CCDC146: variants seen among roughly 807,000 people sequenced by gnomAD.
CCDC146 encodes the protein coiled-coil domain containing 146.
In CCDC146, 92 loss-of-function variants were observed where a neutral mutation model predicts 119.3. That is an observed-to-expected ratio of 0.77 (90% CI 0.65 to 0.92). CCDC146 has a LOEUF of 0.92. CCDC146 is among the 40% of genes least tolerant of loss of function. The pLI, the probability that CCDC146 is intolerant of heterozygous loss-of-function variation, is 0.00. For synonymous variants in CCDC146, 372 were observed against 371.8 expected, an observed-to-expected ratio of 1.00 and a Z score of -0.01; for missense variants, 1,000 against 1,103.0, an observed-to-expected ratio of 0.91 and a Z score of 1.32.
chr7:77,261,064 A>G (rs1055534252), intron 8 of CCDC146, among the ~76,000 whole-genome samples: 2 of 152,182 alleles, frequency 1.3e-5, no homozygotes, highest in Non-Finnish European at 2.9e-5. Context: ...TGCCTTTGGC[A>G]TTATTTACAA....
At chr7:77,288,826 T>C (rs1793894136) in intron 17 of CCDC146, among the ~76,000 whole-genome samples, 1 of 152,224 alleles carries the variant, frequency 6.6e-6, no homozygotes, top group African/African-American at 2.4e-5. Flanking sequence ...GGGCAGCAGC[T>C]GTTCCTCGTT....
chr7:77,146,806 T>A (rs1316909519), intron 1 of CCDC146, among the ~76,000 whole-genome samples: 14 of 152,210 alleles, frequency 9.2e-5, no homozygotes, highest in Admixed American at 2.0e-4. Context: ...TTTCCCTTTG[T>A]GGGTAACCCG....
chr7:77,274,729 G>A, intron 11 of CCDC146, 77 bp downstream of exon 11: 1 of 1,116,000 alleles, frequency 9.0e-7, no homozygotes, highest in South Asian at 1.6e-5. Flanking sequence ...ACGTGCATTA[G>A]GACATGGATG....
intron 1 of CCDC146, among the ~76,000 whole-genome samples, chr7:77,155,671 T>C (rs1791168906): frequency 6.6e-6 from 1 of 152,176 alleles, no homozygotes; most frequent in Admixed American, 6.6e-5. Context: ...ATGTGGTTGT[T>C]AGGACAAAGT....
chr7:77,214,613 G>A (rs558854408), intron 2 of CCDC146, among the ~76,000 whole-genome samples: 9 of 152,198 alleles, frequency 5.9e-5, no homozygotes, highest in African/African-American at 1.9e-4. Context: ...TTTATATGTG[G>A]TGAGAGCCAG....
chr7:77,248,992 A>G (rs1793006560), intron 4 of CCDC146, among the ~76,000 whole-genome samples: 1 of 152,150 alleles, frequency 6.6e-6, no homozygotes, highest in South Asian at 2.1e-4. Context: ...ATTTCTTTCT[A>G]TAGATGCCAA....
intron 6 of CCDC146, chr7:77,257,149 A>G (rs1793196779): frequency 6.6e-6 from 1 of 152,232 alleles, no homozygotes; most frequent in East Asian, 1.9e-4. Flanking sequence ...ACACACCTAC[A>G]CACATACCAA....
chr7:77,134,160 GA>G (rs3081801), intron 1 of CCDC146, among the ~76,000 whole-genome samples: 1,781 of 149,752 alleles, frequency 0.012, 24 homozygotes, highest in African/African-American at 0.04. Context: ...TGGATTTATT[GA>G]AAAAAAAAAT....
rs766626827 is a variant in CCDC146, at chr7:77,278,762, C to A, written c.1451C>A (p.Thr484Asn). 7 of 1,609,702 alleles carry A rather than the reference C, an allele frequency of 4.3e-6. No individual in the cohort carries two copies. Among genetic ancestry groups the A allele is most frequent in the African/African-American group, 2.7e-5 (2 of 74,742 alleles). Residue 484 changes from threonine (T) to asparagine (N), a missense_variant, in exon 12 of 19, where the codon ACC becomes AAC. Transcript: ENST00000285871. ...KDFLKAQQKY[T>N]NIVKEMKAKD... Reference sequence around the variant, plus strand: ...TTTTGTACATTTCAGCAAAAATACACCAACATTGTTAAAGAAATGAAAGCA... The same window carrying A: ...TTTTGTACATTTCAGCAAAAATACAACAACATTGTTAAAGAAATGAAAGCA...
Position 77,286,782 on chromosome 7 carries a change from G to GT in CCDC146, c.2149-9dup, listed in dbSNP as rs1793856324. 6.2e-7 allele frequency: 1 copy of GT among 1,611,072 alleles called. No individual in the cohort carries two copies. The highest frequency in any genetic ancestry group is 1.3e-5 in the African/African-American group (1 of 74,732). On this transcript the variant is annotated splice_polypyrimidine_tract_variant and intron_variant, in intron 15 of 18. Transcript: ENST00000285871. ...CTAGAGCGTTCATTTTAAAGTTAAT[G>GT]TTTTTTTCTTAATAGTTTTCACAGT...
rs1416424835 is a variant in CCDC146, at chr7:77,139,882, CCTTT to C, written c.-12+17159_-12+17162del. ...TCTCCCCTTCCTTCCTTCCTTCCTT[CCTTT>C]CTTTCTTTATTTCTTTTTCTTTTTT... On this transcript the variant is annotated intron_variant, in intron 1 of 18. Transcript: ENST00000285871. Among the ~76,000 whole-genome samples, 281 of 136,300 alleles carry C rather than the reference CCTTT, an allele frequency of 2.1e-3. 2 individuals carry two copies. The highest frequency in any genetic ancestry group is 6.8e-3 in the African/African-American group (250 of 36,832). 89.4% of individuals were successfully genotyped at this position (136,300 alleles called of 152,430 possible). A position where few individuals can be genotyped will look rare whatever the true frequency, so the allele number is the denominator to read the frequency against.
chr7:77,277,230 T>C (rs1793666310), intron 11 of CCDC146, among the ~76,000 whole-genome samples: 1 of 152,200 alleles, frequency 6.6e-6, no homozygotes, highest in East Asian at 1.9e-4. Context: ...AGAAACTTCC[T>C]CCCTTTTCTC....
intron 1 of CCDC146, among the ~76,000 whole-genome samples, chr7:77,154,246 A>G (rs1276357603): frequency 2.6e-5 from 4 of 152,012 alleles, no homozygotes; most frequent in African/African-American, 9.7e-5. Context: ...GACTTTTTAC[A>G]TTTGTCAAAA....
chr7:77,173,447 G>C (rs1440562265), intron 2 of CCDC146, among the ~76,000 whole-genome samples: 2 of 151,972 alleles, frequency 1.3e-5, no homozygotes, highest in Non-Finnish European at 2.9e-5. Context: ...TGGCCAACAT[G>C]GCGAAACCCC....
chr7:77,203,041 C>CG (rs1471379433), intron 2 of CCDC146, among the ~76,000 whole-genome samples: 6 of 143,996 alleles, frequency 4.2e-5, no homozygotes, highest in African/African-American at 1.0e-4. Flanking sequence ...GCCCCCCCCC[C>CG]CCCCAGGACT....
At chr7:77,292,109 A>T (rs911529615) in intron 17 of CCDC146, among the ~76,000 whole-genome samples, 13 of 151,906 alleles carry the variant, frequency 8.6e-5, no homozygotes, top group African/African-American at 2.9e-4. Context: ...TAGCCTTGTC[A>T]ACACAGCAAG....
Position 77,149,152 on chromosome 7 carries a change from A to G in CCDC146, c.-11-18506A>G, listed in dbSNP as rs942018911. Among the ~76,000 whole-genome samples the G allele has an allele frequency of 7.2e-5, 11 of 152,190 alleles. 1 individual carries two copies. Among genetic ancestry groups the G allele is most frequent in the Non-Finnish European group, 1.3e-4 (9 of 68,030 alleles). ...GATATATAGACCAATGGAAGAGAACAGAGGCCCCAGAAATAACACCACACA... is the reference window on the plus strand; with the variant it reads ...GATATATAGACCAATGGAAGAGAACGGAGGCCCCAGAAATAACACCACACA... On this transcript the variant is annotated intron_variant, in intron 1 of 18. Transcript: ENST00000285871.
intron 2 of CCDC146, among the ~76,000 whole-genome samples, chr7:77,180,619 T>C (rs1791572211): frequency 1.3e-5 from 2 of 151,984 alleles, no homozygotes; most frequent in African/African-American, 4.8e-5. Context: ...GATGGCTTGA[T>C]TCTAGGAGGC....
At position 77,256,576 on chromosome 7, in the gene CCDC146, A is replaced by C. The variant is rs529834464; in HGVS notation, c.684+67A>C. Reference sequence around the variant, plus strand: ...TGGATATAAAAGTGTGTGGGTATCAAGAGTAACCAGCAGGTTGGATAAAGA... The same window carrying C: ...TGGATATAAAAGTGTGTGGGTATCACGAGTAACCAGCAGGTTGGATAAAGA... On this transcript the variant is annotated intron_variant, in intron 6 of 18. Transcript: ENST00000285871. The C allele has an allele frequency of 9.3e-6, 12 of 1,295,512 alleles. No homozygotes were observed. In the African/African-American group the frequency reaches 1.6e-4, roughly 18 times the overall value. The allele number at this position is 1,295,512 out of a possible 1,614,324, so 80.3% of individuals were successfully genotyped here.
Sources: gnomAD v4.1 joint callset for allele counts (sites outside exome capture counted in the v4.1 genomes callset) on GRCh38, gnomAD v4.1.1 for gene constraint, MANE v1.5 for transcripts, NCBI Gene and HGNC (gene_info 2026-07-23, HGNC 2026-07-21) for gene names.